NCOA3: variants seen among roughly 807,000 people sequenced by gnomAD.
NCOA3 encodes CBP-interacting protein.
In NCOA3, 51 loss-of-function variants were observed where a neutral mutation model predicts 158.8. The ratio of observed to expected loss-of-function variants is 0.32; its 90% confidence interval spans 0.26 to 0.41. The LOEUF (loss-of-function observed/expected upper bound fraction) is 0.41. Among genes scored for constraint, NCOA3 ranks in the 10% least tolerant of loss-of-function variants. The probability of loss-of-function intolerance (pLI) is 1.00; values close to 1 mark genes in which losing one functional copy is unlikely to be tolerated. For synonymous variants in NCOA3, 537 were observed against 592.4 expected (o/e 0.91, Z 1.36); for missense variants, 1,510 against 1,746.6 (o/e 0.86, Z 2.41).
intron 2 of NCOA3, among the ~76,000 whole-genome samples, chr20:47,598,233 C>T (rs1462880467): frequency 8.1e-5 from 9 of 111,010 alleles, no homozygotes; most frequent in Admixed American, 7.1e-4. Flanking sequence ...GGCGATAGGG[C>T]GAGACTCTGT....
chr20:47,576,171 A>C (rs1172885884), intron 1 of NCOA3, among the ~76,000 whole-genome samples: 2 of 152,186 alleles, frequency 1.3e-5, no homozygotes, highest in African/African-American at 4.8e-5. Flanking sequence ...ATTTCTGTGG[A>C]TCCACATTAT....
intron 18 of NCOA3, 113 bp downstream of exon 18, chr20:47,647,479 T>C: frequency 1.0e-6 from 1 of 978,774 alleles, no homozygotes; most frequent in South Asian, 1.7e-5. Context: ...AGAAATTCTT[T>C]TTGTTTTACT....
intron 1 of NCOA3, among the ~76,000 whole-genome samples, chr20:47,547,263 G>A (rs1208969552): frequency 2.0e-5 from 3 of 152,008 alleles, no homozygotes; most frequent in Non-Finnish European, 4.4e-5. Context: ...CCTTGAAAGG[G>A]TGACGTCCTA....
rs191324460 is a variant in NCOA3 at position 47,576,547 on chromosome 20, T to A, written c.-98-6636T>A. Among the ~76,000 whole-genome samples, 667 of 152,276 alleles carry A rather than the reference T, an allele frequency of 4.4e-3. 5 individuals are homozygous for A. Among genetic ancestry groups the A allele is most frequent in the African/African-American group, 0.016 (646 of 41,556 alleles). On this transcript the variant is annotated intron_variant, in intron 1 of 22. Transcript: ENST00000371998. ...TCTCCCCTCAAACACCTGTTTAAAATATATTGTCTTGAATAAAATTGTCAC... is the reference window on the plus strand; with the variant it reads ...TCTCCCCTCAAACACCTGTTTAAAAAATATTGTCTTGAATAAAATTGTCAC...
intron 1 of NCOA3, among the ~76,000 whole-genome samples, chr20:47,513,947 T>G (rs2084188899): frequency 6.6e-6 from 1 of 152,084 alleles, no homozygotes; most frequent in African/African-American, 2.4e-5. Context: ...GGCGAAATGC[T>G]TAAACTTAAA....
intron 1 of NCOA3, among the ~76,000 whole-genome samples, chr20:47,548,954 A>T (rs1280466014): frequency 1.3e-5 from 2 of 152,232 alleles, no homozygotes; most frequent in Non-Finnish European, 2.9e-5. Context: ...AATTATTATT[A>T]TTGAGAACAT....
chr20:47,654,248 T>G lies in NCOA3; in HGVS notation c.*831T>G, dbSNP rs2086839924. On this transcript the variant is annotated 3_prime_UTR_variant, in exon 23 of 23. Coordinates refer to ENST00000371998, the MANE Select transcript of NCOA3 (RefSeq NM_181659.3). The stretch of plus-strand genomic sequence containing the variant: ...GTTAGACAAGAACTATGATTTTTTT[T>G]TTTAAAGTACTGGTGTCACCCTTTG... 2 of 152,650 alleles carry G rather than the reference T, an allele frequency of 1.3e-5. No individual in the cohort carries two copies. Among genetic ancestry groups the G allele is most frequent in the Non-Finnish European group, 2.9e-5 (2 of 68,038 alleles). The allele number at this position is 152,650 out of a possible 1,614,324, so 9.5% of individuals were successfully genotyped here.
intron 8 of NCOA3, among the ~76,000 whole-genome samples, chr20:47,629,077 T>A (rs989299458): frequency 2.0e-5 from 3 of 152,186 alleles, no homozygotes; most frequent in Non-Finnish European, 4.4e-5. Flanking sequence ...ACAAGTGATA[T>A]AAAAATGGAG....
intron 1 of NCOA3, among the ~76,000 whole-genome samples, chr20:47,530,663 C>G (rs1426988624): frequency 6.6e-6 from 1 of 152,026 alleles, no homozygotes; most frequent in African/African-American, 2.4e-5. Flanking sequence ...CAAGGTTTCA[C>G]CATGTTGGTC....
chr20:47,539,359 A>G (rs943111342), intron 1 of NCOA3, among the ~76,000 whole-genome samples: 1 of 152,216 alleles, frequency 6.6e-6, no homozygotes, highest in East Asian at 1.9e-4. Context: ...AAATAAAATA[A>G]AAGTTATGCT....
intron 1 of NCOA3, among the ~76,000 whole-genome samples, chr20:47,541,341 A>C (rs1417557758): frequency 6.5e-3 from 6 of 928 alleles, no homozygotes; most frequent in African/African-American, 0.01. Context: ...TCCTTTCCCC[A>C]CTCTCCCCTC....
chr20:47,627,966 G>A lies in NCOA3; in HGVS notation c.766G>A (p.Gly256Arg). Residue 256 changes from glycine (G) to arginine (R), a missense_variant, in exon 8 of 23, where the codon GGA becomes AGA. By Grantham distance (125) the Gly-to-Arg change is moderately radical (BLOSUM62 -2). Transcript: ENST00000371998. ...MICVARRITT[G>R]ERTFPSNPES... ...CTGTGTGGCACGCCGCATTACTACA[G>A]GAGAAAGAACATTTCCATCAAACCC... The A allele has an allele frequency of 6.2e-7, 1 of 1,613,922 alleles. No individual in the cohort carries two copies. The highest frequency in any genetic ancestry group is 8.5e-7 in the Non-Finnish European group (1 of 1,179,956).
intron 2 of NCOA3, among the ~76,000 whole-genome samples, chr20:47,592,330 C>T (rs1421749906): frequency 1.3e-5 from 2 of 152,202 alleles, no homozygotes; most frequent in Non-Finnish European, 2.9e-5. Flanking sequence ...CAGGTGTGAG[C>T]CACCAGGCCC....
intron 4 of NCOA3, 35 bp downstream of exon 4, chr20:47,624,118 T>C: frequency 6.4e-7 from 1 of 1,564,232 alleles, no homozygotes. Flanking sequence ...TGAACAGTGG[T>C]GGTTCCCAAC....
At chr20:47,638,980 A>C (rs2086561496) in intron 13 of NCOA3, 28 bp from the exon 14 acceptor site, 2 of 1,534,010 alleles carry the variant, frequency 1.3e-6, no homozygotes, top group African/African-American at 2.8e-5. Flanking sequence ...AATCACGAAG[A>C]AATGTTTTTG....
chr20:47,536,975 T>C (rs184158994), intron 1 of NCOA3, among the ~76,000 whole-genome samples: 6 of 151,836 alleles, frequency 4.0e-5, no homozygotes, highest in Admixed American at 1.3e-4. Flanking sequence ...GGCTAATTTT[T>C]TTTTTTTGTA....
intron 2 of NCOA3, among the ~76,000 whole-genome samples, chr20:47,606,986 G>A (rs1215117679): frequency 6.6e-6 from 1 of 152,160 alleles, no homozygotes; most frequent in African/African-American, 2.4e-5. Flanking sequence ...TAAAAAAATT[G>A]TGTAATGAAA....
In NCOA3 at chr20:47,635,585, A is replaced by G; in HGVS notation, c.1376A>G (p.Tyr459Cys). 1.2e-6 allele frequency: 2 copies of G among 1,614,160 alleles called. No individual in the cohort carries two copies. Among genetic ancestry groups the G allele is most frequent in the Non-Finnish European group, 1.7e-6 (2 of 1,180,028 alleles). Reference sequence around the variant, plus strand: ...CCATCTTCCTACCAGAACAACAACTATGGGCTCAACATGAGTAGCCCCCCA... The same window carrying G: ...CCATCTTCCTACCAGAACAACAACTGTGGGCTCAACATGAGTAGCCCCCCA... ...QSPSSYQNNN[Y>C]GLNMSSPPHG... Residue 459 changes from tyrosine to cysteine, a missense_variant, in exon 11 of 23, where the codon TAT becomes TGT. By Grantham distance (194) the Tyr-to-Cys change is radical. Around this residue, in one of 4 missense-constraint regions of NCOA3, gnomAD observed 1,017 missense variants for 1,098.3 expected, o/e 0.93. Coordinates refer to ENST00000371998, the MANE Select transcript of NCOA3 (RefSeq NM_181659.3).
At position 47,609,115 on chromosome 20, in the gene NCOA3, C is replaced by T. The variant is rs141089163; in HGVS notation, c.-19-13114C>T. Among the ~76,000 whole-genome samples the T allele has an allele frequency of 5.6e-3, 857 of 152,276 alleles. 4 individuals are homozygous for T. Among genetic ancestry groups the T allele is most frequent in the Admixed American group, 0.011 (170 of 15,302 alleles). ...ATCGGCCATTAATTTTAAATAAAGA[C>T]GTTTTGTAGCATATAATACAATTTC... On this transcript the variant is annotated intron_variant, in intron 2 of 22. Transcript: ENST00000371998.
Sources: allele counts gnomAD v4.1 joint callset (sites outside exome capture counted in the v4.1 genomes callset), GRCh38; gene constraint gnomAD v4.1.1; regional missense constraint gnomAD v4.1.1; transcripts MANE v1.5; gene names NCBI Gene and HGNC (gene_info 2026-07-23, HGNC 2026-07-21).